ACTG2: variants seen among roughly 807,000 people sequenced by gnomAD.
ACTG2 encodes the protein actin, gamma-enteric smooth muscle.
In ACTG2, 16 loss-of-function variants were observed where a neutral mutation model predicts 37.6. The ratio of observed to expected loss-of-function variants is 0.43; its 90% CI spans 0.29 to 0.65. The LOEUF (loss-of-function observed/expected upper bound fraction) is 0.65. Among genes scored for constraint, ACTG2 ranks in the 30% least tolerant of loss-of-function variants. The probability of loss-of-function intolerance (pLI) is 0.18; values close to 1 mark genes in which losing one functional copy is unlikely to be tolerated. For missense variants in ACTG2, 238 were observed against 490.9 expected (o/e 0.48, Z 4.87); for synonymous variants, 181 against 179.9 (o/e 1.01, Z -0.05).
At chr2:73,908,240 G>A (rs547580564) in intron 3 of ACTG2, 7 of 469,622 alleles carry the variant, frequency 1.5e-5, no homozygotes, top group African/African-American at 2.0e-5. Context: ...GGAGGGCCAC[G>A]CCATTGTCAG....
chr2:73,898,843 C>T (rs1573459189), intron 1 of ACTG2, among the ~76,000 whole-genome samples: 1 of 137,614 alleles, frequency 7.3e-6, no homozygotes, highest in Non-Finnish European at 1.5e-5. Context: ...TGCTCTGTTG[C>T]CCAGGCTGGA....
At chr2:73,911,743 A>G (rs368248572) in intron 5 of ACTG2, among the ~76,000 whole-genome samples, 1 of 152,188 alleles carries the variant, frequency 6.6e-6, no homozygotes, top group East Asian at 1.9e-4. Context: ...TGGCACCACC[A>G]TTGTGTATGT....
chr2:73,901,777 A>C, intron 2 of ACTG2: 1 of 316,734 alleles, frequency 3.2e-6, no homozygotes, highest in East Asian at 7.2e-5. Context: ...GGTTTGGAAA[A>C]GTTAATTTAT....
intron 3 of ACTG2, among the ~76,000 whole-genome samples, chr2:73,904,777 G>GTATATATATATATATATA (rs199782884): frequency 7.0e-5 from 3 of 42,608 alleles, no homozygotes; most frequent in African/African-American, 1.6e-4. Context: ...GTGTGTGTGT[G>GTATATATATATATATATA]TATATATATA....
intron 7 of ACTG2, 132 bp downstream of exon 7, chr2:73,915,003 G>A: frequency 1.4e-6 from 1 of 727,524 alleles, no homozygotes; most frequent in Non-Finnish European, 1.9e-6. Flanking sequence ...ATTTTCCTAG[G>A]AAGGGCCAAA....
chr2:73,906,737 C>T (rs1010075101), intron 3 of ACTG2, among the ~76,000 whole-genome samples: 2 of 152,140 alleles, frequency 1.3e-5, no homozygotes, highest in African/African-American at 4.8e-5. Flanking sequence ...CTCAGCTCCC[C>T]AAAGTGCTGG....
At chr2:73,909,604 C>T (rs1030100071) in intron 5 of ACTG2, among the ~76,000 whole-genome samples, 16 of 152,152 alleles carry the variant, frequency 1.1e-4, no homozygotes, top group Admixed American at 7.9e-4. Context: ...GGCTGTATGG[C>T]GTGGCCTATT....
At chr2:73,902,321 T>C in intron 2 of ACTG2, 39 bp from the exon 3 acceptor site, 1 of 1,608,560 alleles carries the variant, frequency 6.2e-7, no homozygotes, top group Non-Finnish European at 8.5e-7. Context: ...TGTGGAGCCC[T>C]CAGCCATTCA....
At chr2:73,911,086 ATGATAACAATACCTCCTT>A (rs1336996433) in intron 5 of ACTG2, among the ~76,000 whole-genome samples, 5 of 152,176 alleles carry the variant, frequency 3.3e-5, no homozygotes, top group Admixed American at 6.5e-5. Context: ...GTCATCTCCT[ATGATAACAATACCTCCTT>A]CTGGAATATC....
intron 7 of ACTG2, among the ~76,000 whole-genome samples, chr2:73,915,838 C>A (rs1011767724): frequency 2.6e-5 from 4 of 152,098 alleles, no homozygotes; most frequent in Non-Finnish European, 4.4e-5. Flanking sequence ...AGGCAAACCT[C>A]TAAAGACAGA....
At chr2:73,918,297 C>T (rs1680313831) in intron 8 of ACTG2, among the ~76,000 whole-genome samples, 4 of 152,020 alleles carry the variant, frequency 2.6e-5, no homozygotes, top group Non-Finnish European at 5.9e-5. Context: ...TTTAGGACCA[C>T]CAACCTAAGA....
intron 5 of ACTG2, among the ~76,000 whole-genome samples, chr2:73,909,763 C>T (rs1383339722): frequency 1.3e-5 from 2 of 152,054 alleles, no homozygotes; most frequent in African/African-American, 4.8e-5. Flanking sequence ...AAATGGTACA[C>T]CTGTGTAGGG....
intron 5 of ACTG2, among the ~76,000 whole-genome samples, 183 bp downstream of exon 5, chr2:73,909,322 T>C (rs1680079133): frequency 6.6e-6 from 1 of 152,176 alleles, no homozygotes; most frequent in Non-Finnish European, 1.5e-5. Flanking sequence ...GCTGGTATAG[T>C]TGGAAAAAAC....
Position 73,914,813 on chromosome 2 carries a change from C to T in ACTG2, c.747C>T (p.Ile249=). ...ATGAGCTGCCAGATGGGCAGGTTAT[C>T]ACCATTGGCAATGAGCGCTTCCGCT... ...KSYELPDGQV[I]TIGNERFRCP... The change falls in exon 7 of 9, where the codon ATC becomes ATT. Residue 249 remains isoleucine, a synonymous_variant. Coordinates refer to ENST00000345517, the MANE Select transcript of ACTG2 (RefSeq NM_001615.4). 6.2e-7 allele frequency: 1 copy of T among 1,610,908 alleles called. No individual in the cohort carries two copies. The highest frequency in any genetic ancestry group is 8.5e-7 in the Non-Finnish European group (1 of 1,177,788).
intron 1 of ACTG2, among the ~76,000 whole-genome samples, chr2:73,898,802 CTTTTTTTTT>C (rs1165118275): frequency 1.1e-5 from 1 of 93,016 alleles, no homozygotes; most frequent in East Asian, 2.5e-4. Flanking sequence ...TTTTTTTTTT[CTTTTTTTTT>C]TTTTTTTTTG....
chr2:73,908,361 A>G (rs1448887223), intron 3 of ACTG2: 6 of 503,524 alleles, frequency 1.2e-5, no homozygotes, highest in African/African-American at 3.9e-5. Context: ...GAGTGATACA[A>G]TGTGCCTTGC....
chr2:73,899,159 A>G (rs1679823197), intron 1 of ACTG2, among the ~76,000 whole-genome samples: 1 of 151,974 alleles, frequency 6.6e-6, no homozygotes, highest in Non-Finnish European at 1.5e-5. Context: ...AGGAATTCAT[A>G]TTCATTTCAT....
intron 1 of ACTG2, among the ~76,000 whole-genome samples, chr2:73,894,652 C>T (rs79216591): frequency 0.02 from 3,013 of 151,774 alleles, 94 homozygotes; most frequent in African/African-American, 0.069. Flanking sequence ...AGGAGGAGCC[C>T]ATCACTCAAC....
chr2:73,916,815 C>A (rs762155002), intron 8 of ACTG2, 50 bp downstream of exon 8: 3 of 1,579,718 alleles, frequency 1.9e-6, no homozygotes, highest in Admixed American at 1.8e-5. Flanking sequence ...TAAAGTCTTG[C>A]CTACCTGGGA....
Sources: gnomAD v4.1 joint callset for allele counts (sites outside exome capture counted in the v4.1 genomes callset) on GRCh38, gnomAD v4.1.1 for gene constraint, MANE v1.5 for transcripts, NCBI Gene and HGNC (gene_info 2026-07-23, HGNC 2026-07-21) for gene names.